Variants in SMARCD1 observed in about 807,000 individuals in gnomAD.
The protein encoded by SMARCD1 is SWI/SNF related BAF chromatin remodeling complex subunit D1, also known as SWI/SNF-related matrix-associated actin-dependent regulator of chromatin subfamily D member 1.
SMARCD1 carries 16 observed loss-of-function variants against 70.8 expected under a neutral mutation model. The ratio of observed to expected loss-of-function variants is 0.23; its 90% CI spans 0.15 to 0.34. The LOEUF (loss-of-function observed/expected upper bound fraction) is 0.34. SMARCD1 is among the 10% of genes least tolerant of loss of function. The probability of loss-of-function intolerance (pLI) is 1.00; values close to 1 mark genes in which losing one functional copy is unlikely to be tolerated. For missense variants in SMARCD1, 409 were observed against 655.5 expected (o/e 0.62, Z 4.11); for synonymous variants, 249 against 246.0 (o/e 1.01, Z -0.11).
chr12:50,098,356 ACT>A (rs1389599563), intron 11 of SMARCD1: 3 of 263,656 alleles, frequency 1.1e-5, no homozygotes, highest in Non-Finnish European at 2.2e-5. Flanking sequence ...TGGGAGGGAG[ACT>A]CTGTTCTGTG....
intron 9 of SMARCD1, among the ~76,000 whole-genome samples, chr12:50,091,953 G>A (rs1950847626): frequency 6.6e-6 from 1 of 152,158 alleles, no homozygotes; most frequent in Non-Finnish European, 1.5e-5. Context: ...TCCTTTGGAA[G>A]ATCAGTTGTT....
In SMARCD1 at chr12:50,094,567, A is replaced by C. The variant is rs766597549; in HGVS notation, c.1264A>C (p.Asn422His). 1 of 1,614,142 alleles carries C rather than the reference A, an allele frequency of 6.2e-7. No individual in the cohort carries two copies. Among genetic ancestry groups the C allele is most frequent in the Non-Finnish European group, 8.5e-7 (1 of 1,180,014 alleles). Reference sequence around the variant, plus strand: ...CCAACAGGAGATTGCTACTCTAGACAACAAGGTAGGGGTCTGTGCCCTGGA... The same window carrying C: ...CCAACAGGAGATTGCTACTCTAGACCACAAGGTAGGGGTCTGTGCCCTGGA... ...ASQQEIATLDNKIHETIETIN... is the reference protein window; with the variant it reads ...ASQQEIATLDHKIHETIETIN... Residue 422 changes from asparagine to histidine, a missense_variant, in exon 10 of 13, where the codon AAC (asparagine) becomes CAC (histidine). Physicochemically the swap from Asn to His is moderately conservative, Grantham distance 68 (BLOSUM62 1). Around this residue, in one of 2 missense-constraint regions of SMARCD1, gnomAD observed 269 missense variants for 498.6 expected, o/e 0.54. Transcript: ENST00000394963.
chr12:50,098,087 C>T (rs1420304525), intron 11 of SMARCD1, among the ~76,000 whole-genome samples: 2 of 151,988 alleles, frequency 1.3e-5, no homozygotes, highest in African/African-American at 2.4e-5. Context: ...TGAACTCATC[C>T]GTTGTCACCC....
chr12:50,095,916 C>T (rs976176959), intron 10 of SMARCD1, among the ~76,000 whole-genome samples: 4 of 152,220 alleles, frequency 2.6e-5, no homozygotes, highest in South Asian at 2.1e-4. Flanking sequence ...TGTTTCATCC[C>T]GAAGACTGTG....
At position 50,087,416 on chromosome 12, in the gene SMARCD1, A is replaced by G; in HGVS notation, c.585A>G (p.Ser195=). 1 of 1,614,182 alleles carries G rather than the reference A, an allele frequency of 6.2e-7. No individual in the cohort carries two copies. Among genetic ancestry groups the G allele is most frequent in the Non-Finnish European group, 8.5e-7 (1 of 1,180,000 alleles). The change falls in exon 5 of 13, where the codon TCA becomes TCG. Residue 195 remains serine, a synonymous_variant. Transcript: ENST00000394963. The part of the protein sequence containing the change: ...FISNTFNPAK[S]DAEDGEGTVA... ...CTAACACTTTCAATCCGGCTAAGTCAGATGCCGAGGATGGGGAAGGGACGG... is the reference window on the plus strand; with the variant it reads ...CTAACACTTTCAATCCGGCTAAGTCGGATGCCGAGGATGGGGAAGGGACGG...
intron 1 of SMARCD1, 196 bp downstream of exon 1, chr12:50,085,742 TG>T (rs1275776389): frequency 4.4e-6 from 2 of 450,844 alleles, no homozygotes; most frequent in East Asian, 3.5e-5. Flanking sequence ...ATTGTTTCCC[TG>T]GGGAGTCGGT....
chr12:50,087,004 C>T (rs1437268409), intron 4 of SMARCD1, 126 bp downstream of exon 4: 21 of 956,408 alleles, frequency 2.2e-5, no homozygotes, highest in Middle Eastern at 2.8e-4. Context: ...CTCTCCCTTC[C>T]GCCTACAAAC....
chr12:50,088,680 T>G, intron 6 of SMARCD1, 43 bp downstream of exon 6: 1 of 1,111,738 alleles, frequency 9.0e-7, no homozygotes, highest in Non-Finnish European at 1.4e-6. Flanking sequence ...GATTGGAGGA[T>G]GATGGACTTG....
At position 50,085,362 on chromosome 12, in the gene SMARCD1, C is replaced by T. The variant is rs563360016; in HGVS notation, c.-8C>T. ...TCTTTGTGCGGCTGCATCGGCGGCT[C>T]CGGGAAGATGGCGGCCCGGGCGGGT... On this transcript the variant is annotated 5_prime_UTR_variant, in exon 1 of 13. Coordinates refer to ENST00000394963, the MANE Select transcript of SMARCD1 (RefSeq NM_003076.5). The T allele has an allele frequency of 8.7e-6, 11 of 1,263,354 alleles. No individual in the cohort carries two copies. In the African/African-American group the frequency reaches 1.1e-4, roughly 12 times the overall value. 78.3% of individuals were successfully genotyped at this position (1,263,354 alleles called of 1,614,324 possible).
chr12:50,087,009 A>G, intron 4 of SMARCD1, 131 bp downstream of exon 4: 2 of 923,662 alleles, frequency 2.2e-6, no homozygotes, highest in Non-Finnish European at 3.3e-6. Context: ...CCTTCCGCCT[A>G]CAAACTGAGA....
In SMARCD1 at chr12:50,092,957, C is replaced by T. The variant is rs556730887; in HGVS notation, c.1134-1480C>T. Among the ~76,000 whole-genome samples the T allele has an allele frequency of 7.6e-4, 115 of 152,072 alleles. 1 individual carries two copies. Among genetic ancestry groups the T allele is most frequent in the African/African-American group, 2.7e-3 (113 of 41,518 alleles). Reference sequence around the variant, plus strand: ...CTTTGGGAGGCCAAGGTGGGTGGATCACAAGGTCAGGAGTTCAAGACCAGT... The same window carrying T: ...CTTTGGGAGGCCAAGGTGGGTGGATTACAAGGTCAGGAGTTCAAGACCAGT... On this transcript the variant is annotated intron_variant, in intron 9 of 12. Transcript: ENST00000394963.
At chr12:50,092,235 C>CTTTTTTTTTTTTTTTT (rs60619880) in intron 9 of SMARCD1, among the ~76,000 whole-genome samples, 23 of 91,146 alleles carry the variant, frequency 2.5e-4, no homozygotes, top group Non-Finnish European at 3.2e-4. Context: ...TTCTTTCTTT[C>CTTTTTTTTTTTTTTTT]TTTTTTTTTT....
Position 50,087,472 on chromosome 12 carries a change from G to A in SMARCD1, c.641G>A (p.Arg214Gln). The change falls in exon 5 of 13, where the codon CGG (arginine) becomes CAG (glutamine). Residue 214 changes from arginine (R) to glutamine (Q), a missense_variant. This residue lies in a region of SMARCD1 where 269 missense variants were observed against 498.6 expected (regional missense o/e 0.54). Coordinates refer to ENST00000394963, the MANE Select transcript of SMARCD1 (RefSeq NM_003076.5). ...VASWELRVEG[R>Q]LLEDSALSKY... ...TCCTGGGAGCTTCGGGTAGAAGGAC[G>A]GCTCCTGGAGGATGTGAGTTCAAGG... The A allele has an allele frequency of 6.2e-7, 1 of 1,613,824 alleles. No individual in the cohort carries two copies. Among genetic ancestry groups the A allele is most frequent in the Non-Finnish European group, 8.5e-7 (1 of 1,179,876 alleles).
chr12:50,090,363 C>G lies in SMARCD1; in HGVS notation c.996C>G (p.His332Gln). ...AGACACATAAGCTCCAGGACCCTCA[C>G]GAGCGGGAGTTTGTCATCTGTGACA... The part of the protein sequence containing the change: ...YIKTHKLQDP[H>Q]EREFVICDKY... Residue 332 changes from histidine to glutamine, a missense_variant, in exon 8 of 13, where the codon CAC becomes CAG. Coordinates refer to ENST00000394963, the MANE Select transcript of SMARCD1 (RefSeq NM_003076.5). The G allele has an allele frequency of 6.2e-7, 1 of 1,614,090 alleles. No homozygotes were observed. The highest frequency in any genetic ancestry group is 2.2e-5 in the East Asian group (1 of 44,890).
At position 50,088,648 on chromosome 12, in the gene SMARCD1, C is replaced by G. The variant is rs373914048; in HGVS notation, c.771+11C>G. 7.1e-7 allele frequency: 1 copy of G among 1,417,420 alleles called. No homozygotes were observed. 87.8% of individuals were successfully genotyped at this position (1,417,420 alleles called of 1,614,324 possible). A position where few individuals can be genotyped will look rare whatever the true frequency, so the allele number is the denominator to read the frequency against. The stretch of plus-strand genomic sequence containing the variant: ...AACCATCTGGTAGAAGTGAGTAGCT[C>G]TGCCTTCTAGGCTTTGACTCTGATT... On this transcript the variant is annotated intron_variant, in intron 6 of 12. Coordinates refer to ENST00000394963, the MANE Select transcript of SMARCD1 (RefSeq NM_003076.5).
intron 5 of SMARCD1, chr12:50,088,120 G>A: frequency 3.2e-6 from 2 of 624,478 alleles, no homozygotes; most frequent in Admixed American, 2.4e-5. Context: ...TATAGGTCCG[G>A]TCCATCTGCT....
chr12:50,094,343 C>T, intron 9 of SMARCD1, 94 bp from the exon 10 acceptor site: 1 of 1,273,768 alleles, frequency 7.9e-7, no homozygotes, highest in Non-Finnish European at 1.1e-6. Context: ...ACAGTTAGCC[C>T]CTTTTCTCTT....
At chr12:50,095,615 C>T (rs1950886721) in intron 10 of SMARCD1, among the ~76,000 whole-genome samples, 1 of 152,186 alleles carries the variant, frequency 6.6e-6, no homozygotes, top group African/African-American at 2.4e-5. Flanking sequence ...GCGTGAGCCA[C>T]CGCGCCCGGC....
chr12:50,090,044 C>T (rs1250792330), intron 7 of SMARCD1, 59 bp downstream of exon 7: 2 of 1,451,670 alleles, frequency 1.4e-6, no homozygotes, highest in East Asian at 2.3e-5. Context: ...TCAGCAGTCT[C>T]ACTTTAAAGA....
Sources: gnomAD v4.1 joint callset for allele counts (sites outside exome capture counted in the v4.1 genomes callset) on GRCh38, gnomAD v4.1.1 for gene constraint, gnomAD v4.1.1 regional missense constraint, MANE v1.5 for transcripts, NCBI Gene and HGNC (gene_info 2026-07-23, HGNC 2026-07-21) for gene names.